MSRA: variants seen among roughly 807,000 people sequenced by gnomAD.
MSRA encodes the protein mitochondrial peptide methionine sulfoxide reductase.
MSRA carries 54 observed loss-of-function variants against 31.3 expected under a neutral mutation model. The ratio of observed to expected loss-of-function variants is 1.73; its 90% CI spans 1.39 to 2.17. MSRA has a LOEUF of 2.17. MSRA is among the 30% of genes most tolerant of loss of function. The pLI is 0.00. For missense variants in MSRA, 507 were observed against 300.9 expected (o/e 1.69, Z -5.07); for synonymous variants, 169 against 116.5 (o/e 1.45, Z -2.90).
chr8:10,072,418 T>G (rs1055963646), intron 1 of MSRA, among the ~76,000 whole-genome samples: 2 of 152,182 alleles, frequency 1.3e-5, no homozygotes, highest in South Asian at 4.1e-4. Flanking sequence ...GTTGGCCATA[T>G]TTGTGTGGGT....
chr8:10,070,712 A>G (rs914954397), intron 1 of MSRA, among the ~76,000 whole-genome samples: 1 of 152,104 alleles, frequency 6.6e-6, no homozygotes, highest in African/African-American at 2.4e-5. Flanking sequence ...CATTGCTGTT[A>G]TTTCATCATT....
chr8:10,290,563 A>C, intron 3 of MSRA, among the ~76,000 whole-genome samples: 1 of 152,170 alleles, frequency 6.6e-6, no homozygotes, highest in East Asian at 1.9e-4. Flanking sequence ...GTGAGAATGC[A>C]TATGCCAGGC....
At chr8:10,210,407 G>A (rs1048062384) in intron 2 of MSRA, among the ~76,000 whole-genome samples, 7 of 152,322 alleles carry the variant, frequency 4.6e-5, no homozygotes, top group Middle Eastern at 3.4e-3. Flanking sequence ...ACACCTTTCA[G>A]CTGGGTCCAC....
rs73664925 is a variant in MSRA, at chr8:10,145,681, C to G, written c.143-62152C>G. On this transcript the variant is annotated intron_variant, in intron 1 of 5. Transcript: ENST00000317173. ...AAATTATTCTTGGCAAGTGGTTTCCCTGAAATGTGTAAGACATGGTGCCTC... is the reference window on the plus strand; with the variant it reads ...AAATTATTCTTGGCAAGTGGTTTCCGTGAAATGTGTAAGACATGGTGCCTC... Among the ~76,000 whole-genome samples the G allele has an allele frequency of 7.1e-4, 108 of 152,260 alleles. 1 individual carries two copies. Among genetic ancestry groups the G allele is most frequent in the African/African-American group, 2.3e-3 (95 of 41,548 alleles).
At chr8:10,178,521 A>G (rs79764711) in intron 1 of MSRA, among the ~76,000 whole-genome samples, 2,504 of 152,360 alleles carry the variant, frequency 0.016, 74 homozygotes, top group African/African-American at 0.056. Flanking sequence ...TGCTAATTTT[A>G]TAATGCGGAA....
At chr8:10,285,093 T>C (rs748115913) in intron 3 of MSRA, among the ~76,000 whole-genome samples, 2 of 152,028 alleles carry the variant, frequency 1.3e-5, no homozygotes, top group Non-Finnish European at 2.9e-5. Context: ...TTAAGTGTAT[T>C]GTTCAGCAGT....
intron 2 of MSRA, among the ~76,000 whole-genome samples, chr8:10,228,723 G>A (rs575546044): frequency 6.6e-6 from 1 of 152,316 alleles, no homozygotes; most frequent in African/African-American, 2.4e-5. Flanking sequence ...CTTTGGGCAA[G>A]TGGCCTAACC....
intron 1 of MSRA, among the ~76,000 whole-genome samples, chr8:10,070,456 G>A (rs902243413): frequency 6.6e-6 from 1 of 152,204 alleles, no homozygotes; most frequent in East Asian, 1.9e-4. Flanking sequence ...AGATTTACAT[G>A]CAGTAGTTAG....
chr8:10,231,406 T>G (rs1183904176), intron 2 of MSRA, among the ~76,000 whole-genome samples: 2 of 152,170 alleles, frequency 1.3e-5, no homozygotes, highest in Non-Finnish European at 2.9e-5. Flanking sequence ...CAGAAGATAT[T>G]GGCTTGGTAG....
At chr8:10,259,061 C>G (rs748791767) in intron 3 of MSRA, among the ~76,000 whole-genome samples, 7 of 150,506 alleles carry the variant, frequency 4.7e-5, no homozygotes, top group Non-Finnish European at 1.0e-4. Context: ...GAGCTGAGAT[C>G]TTGCCACTGC....
chr8:10,405,528 C>G (rs1391631097), intron 5 of MSRA, among the ~76,000 whole-genome samples: 1 of 152,152 alleles, frequency 6.6e-6, no homozygotes, highest in Non-Finnish European at 1.5e-5. Flanking sequence ...TCTTTTTACC[C>G]TGACACCTCA....
intron 5 of MSRA, among the ~76,000 whole-genome samples, chr8:10,427,673 G>A (rs982286181): frequency 1.3e-5 from 2 of 152,212 alleles, no homozygotes; most frequent in Non-Finnish European, 2.9e-5. Context: ...GCCAGGTAGA[G>A]CTGCAGCCAT....
intron 5 of MSRA, among the ~76,000 whole-genome samples, chr8:10,421,743 A>G (rs1011340282): frequency 6.6e-6 from 1 of 152,056 alleles, no homozygotes; most frequent in Non-Finnish European, 1.5e-5. Flanking sequence ...TGGTGTTCCT[A>G]TGAGTCGCTG....
chr8:10,123,732 G>T (rs1015423902), intron 1 of MSRA, among the ~76,000 whole-genome samples: 3 of 151,988 alleles, frequency 2.0e-5, no homozygotes, highest in Non-Finnish European at 2.9e-5. Context: ...CAGTTATCCC[G>T]GCACCATTTA....
intron 1 of MSRA, among the ~76,000 whole-genome samples, chr8:10,175,084 C>T (rs1805930237): frequency 6.6e-6 from 1 of 152,144 alleles, no homozygotes; most frequent in Non-Finnish European, 1.5e-5. Flanking sequence ...TTCTACTCTA[C>T]CTGTCTAGCC....
At chr8:10,067,543 A>C (rs1205539333) in intron 1 of MSRA, among the ~76,000 whole-genome samples, 1 of 152,206 alleles carries the variant, frequency 6.6e-6, no homozygotes, top group African/African-American at 2.4e-5. Context: ...CATTTGGGTA[A>C]ATGCCCAAAA....
chr8:10,164,380 T>G (rs1011538329), intron 1 of MSRA, among the ~76,000 whole-genome samples: 1 of 152,188 alleles, frequency 6.6e-6, no homozygotes, highest in Non-Finnish European at 1.5e-5. Context: ...ATCCCTTCCC[T>G]TGGCTGCTGG....
At chr8:10,157,344 C>T (rs961376490) in intron 1 of MSRA, among the ~76,000 whole-genome samples, 1 of 152,154 alleles carries the variant, frequency 6.6e-6, no homozygotes, top group African/African-American at 2.4e-5. Flanking sequence ...CTCTCACTGT[C>T]TGATGGTGTG....
intron 5 of MSRA, among the ~76,000 whole-genome samples, chr8:10,335,575 G>T (rs1051152778): frequency 6.6e-6 from 1 of 152,160 alleles, no homozygotes; most frequent in Non-Finnish European, 1.5e-5. Context: ...TGACCCCGGC[G>T]CCTGATCTTG....
Sources: gnomAD v4.1 joint callset for allele counts (sites outside exome capture counted in the v4.1 genomes callset) on GRCh38, gnomAD v4.1.1 for gene constraint, MANE v1.5 for transcripts, NCBI Gene and HGNC (gene_info 2026-07-23, HGNC 2026-07-21) for gene names.